PCDH9: variants seen among roughly 807,000 people sequenced by gnomAD.
The protein encoded by PCDH9 is protocadherin 9.
In PCDH9, 24 loss-of-function variants were observed where a neutral mutation model predicts 70.6. The observed-to-expected ratio is 0.34, with a 90% CI of 0.25 to 0.48. PCDH9 has a LOEUF of 0.48. Ranked by LOEUF, PCDH9 falls within the 20% of genes least tolerant of loss-of-function variation. PCDH9 has a pLI of 0.99. For synonymous variants in PCDH9, 562 were observed against 558.5 expected (o/e 1.01, Z -0.09); for missense variants, 1,281 against 1,503.6 (o/e 0.85, Z 2.45).
chr13:66,480,086 A>T (rs1189917513), intron 4 of PCDH9, among the ~76,000 whole-genome samples: 31 of 152,134 alleles, frequency 2.0e-4, no homozygotes. Context: ...CCAAGAACCC[A>T]CCAGAAGGAA....
intron 4 of PCDH9, among the ~76,000 whole-genome samples, chr13:66,327,940 T>G (rs2138108297): frequency 6.6e-6 from 1 of 152,278 alleles, no homozygotes; most frequent in Non-Finnish European, 1.5e-5. Context: ...GCTATATTTC[T>G]CCACAATCCT....
At chr13:66,312,334 GA>G (rs1276876778) in intron 4 of PCDH9, among the ~76,000 whole-genome samples, 1 of 152,174 alleles carries the variant, frequency 6.6e-6, no homozygotes, top group Non-Finnish European at 1.5e-5. Context: ...AGAGAGCAAA[GA>G]AATGATAAAT....
At chr13:66,657,168 T>G (rs2077943667) in intron 3 of PCDH9, among the ~76,000 whole-genome samples, 1 of 152,156 alleles carries the variant, frequency 6.6e-6, no homozygotes, top group African/African-American at 2.4e-5. Flanking sequence ...TATAACCAAT[T>G]ACACAAGTTT....
chr13:66,813,989 C>G lies in PCDH9; in HGVS notation c.3138+89515G>C, dbSNP rs1196592527. Among the ~76,000 whole-genome samples the G allele has an allele frequency of 3.9e-5, 6 of 152,212 alleles. 1 individual carries two copies. The highest frequency in any genetic ancestry group is 4.2e-4 in the South Asian group (2 of 4,814). On this transcript the variant is annotated intron_variant, in intron 3 of 4. Coordinates refer to ENST00000377865, the MANE Select transcript of PCDH9 (RefSeq NM_203487.3). ...ACACACAAACTACCAGCAGCTTAGT[C>G]CTAATTGGTAAAACAGTCACATTAA...
intron 2 of PCDH9, among the ~76,000 whole-genome samples, chr13:67,043,516 A>T (rs937820503): frequency 2.0e-5 from 3 of 152,160 alleles, no homozygotes; most frequent in African/African-American, 7.2e-5. Flanking sequence ...ATATATAGGA[A>T]GTAGAACATT....
intron 2 of PCDH9, among the ~76,000 whole-genome samples, chr13:67,111,813 T>C (rs9564368): frequency 0.075 from 11,398 of 152,240 alleles, 545 homozygotes; most frequent in East Asian, 0.2. Context: ...TAACCTTCAC[T>C]TCTTTAGGCT....
intron 2 of PCDH9, among the ~76,000 whole-genome samples, chr13:66,911,160 G>T (rs1348388186): frequency 6.6e-6 from 1 of 152,128 alleles, no homozygotes; most frequent in African/African-American, 2.4e-5. Context: ...TTAAGCAATA[G>T]AACTCTATGT....
At chr13:67,182,664 T>C (rs945688154) in intron 2 of PCDH9, among the ~76,000 whole-genome samples, 6 of 152,132 alleles carry the variant, frequency 3.9e-5, no homozygotes, top group Admixed American at 3.3e-4. Flanking sequence ...TGATCTCTGT[T>C]GAAAAATTTA....
chr13:67,164,281 T>A (rs752199738), intron 2 of PCDH9, among the ~76,000 whole-genome samples: 1 of 152,094 alleles, frequency 6.6e-6, no homozygotes, highest in African/African-American at 2.4e-5. Flanking sequence ...AGCAGAAGTA[T>A]TAAGAAGAAT....
At chr13:66,987,422 T>A (rs2083914392) in intron 2 of PCDH9, among the ~76,000 whole-genome samples, 1 of 152,072 alleles carries the variant, frequency 6.6e-6, no homozygotes, top group African/African-American at 2.4e-5. Context: ...ATACATTAAT[T>A]GTGTTATTGA....
intron 3 of PCDH9, among the ~76,000 whole-genome samples, chr13:66,755,157 G>C (rs1435480978): frequency 6.7e-6 from 1 of 148,564 alleles, no homozygotes; most frequent in Non-Finnish European, 1.5e-5. Flanking sequence ...TGAGCCTAGA[G>C]CTGCAGTATA....
rs190093571 is a variant in PCDH9 at position 66,722,411 on chromosome 13, T to C, written c.3139-91000A>G. Among the ~76,000 whole-genome samples the C allele has an allele frequency of 1.8e-4, 28 of 152,240 alleles. No homozygotes were observed. The East Asian group carries it at 5.4e-3, about 29-fold the overall frequency. On this transcript the variant is annotated intron_variant, in intron 3 of 4. Transcript: ENST00000377865. ...AATCAAATCGCAAAGAGATTGAGCT[T>C]GTTGTTCAGGCTAAACAATTATAAA...
At chr13:66,771,714 A>G (rs750298721) in intron 3 of PCDH9, among the ~76,000 whole-genome samples, 4 of 152,158 alleles carry the variant, frequency 2.6e-5, no homozygotes, top group Non-Finnish European at 5.9e-5. Flanking sequence ...GGACTCTTTA[A>G]CTTTTGCTAC....
At chr13:66,842,341 A>G (rs2081130236) in intron 3 of PCDH9, among the ~76,000 whole-genome samples, 1 of 152,148 alleles carries the variant, frequency 6.6e-6, no homozygotes, top group Non-Finnish European at 1.5e-5. Context: ...TGCTCTCCCT[A>G]TGTATACATA....
chr13:66,538,449 T>G (rs759074284), intron 4 of PCDH9, among the ~76,000 whole-genome samples: 1 of 152,122 alleles, frequency 6.6e-6, no homozygotes, highest in Non-Finnish European at 1.5e-5. Context: ...TGTAATGCAA[T>G]GTGATGGTCA....
chr13:66,696,837 C>T (rs1290533620), intron 3 of PCDH9, among the ~76,000 whole-genome samples: 2 of 140,494 alleles, frequency 1.4e-5, no homozygotes, highest in East Asian at 4.1e-4. Context: ...TGTAGTGGCT[C>T]ATACGTGTAA....
intron 3 of PCDH9, among the ~76,000 whole-genome samples, chr13:66,859,772 C>A (rs116221781): frequency 6.6e-6 from 1 of 152,100 alleles, no homozygotes; most frequent in East Asian, 1.9e-4. Flanking sequence ...GAAGAAGGTA[C>A]ATGCGGAGAA....
At chr13:66,358,339 A>G (rs1346704205) in intron 4 of PCDH9, among the ~76,000 whole-genome samples, 1 of 151,996 alleles carries the variant, frequency 6.6e-6, no homozygotes, top group Non-Finnish European at 1.5e-5. Context: ...TTAAAAGTGA[A>G]CTACTTAATG....
intron 4 of PCDH9, among the ~76,000 whole-genome samples, chr13:66,395,498 A>G (rs1356118929): frequency 6.6e-6 from 1 of 151,968 alleles, no homozygotes; most frequent in Non-Finnish European, 1.5e-5. Flanking sequence ...CTACTCGGGA[A>G]CTAAGACAGG....
Sources: allele counts gnomAD v4.1 joint callset (sites outside exome capture counted in the v4.1 genomes callset), GRCh38; gene constraint gnomAD v4.1.1; transcripts MANE v1.5; gene names NCBI Gene and HGNC (gene_info 2026-07-23, HGNC 2026-07-21).